ATP2B4: variants seen among roughly 807,000 people sequenced by gnomAD.
ATP2B4 encodes the protein ATPase plasma membrane Ca2+ transporting 4, also known as plasma membrane calcium-transporting ATPase 4.
ATP2B4 carries 39 observed loss-of-function variants against 110.3 expected under a neutral mutation model. The observed-to-expected ratio is 0.35, with a 90% CI of 0.27 to 0.46. ATP2B4 has a LOEUF of 0.46. Among genes scored for constraint, ATP2B4 ranks in the 20% least tolerant of loss-of-function variants. The pLI is 1.00. For synonymous variants in ATP2B4, 538 were observed against 571.7 expected, an observed-to-expected ratio of 0.94 and a Z score of 0.84; for missense variants, 1,135 against 1,530.9, an observed-to-expected ratio of 0.74 and a Z score of 4.32.
intron 1 of ATP2B4, among the ~76,000 whole-genome samples, chr1:203,632,745 G>T (rs1663310565): frequency 1.3e-5 from 2 of 148,512 alleles, no homozygotes; most frequent in Admixed American, 1.3e-4. Context: ...CCTTTACTTT[G>T]TAGACATGTT....
chr1:203,705,509 C>T (rs7533409), intron 8 of ATP2B4, among the ~76,000 whole-genome samples: 38,103 of 152,108 alleles, frequency 0.25, 5,687 homozygotes, highest in East Asian at 0.52. Flanking sequence ...AGTGAGTCTC[C>T]CGAGTAGCTG....
intron 2 of ATP2B4, among the ~76,000 whole-genome samples, chr1:203,686,491 A>AT (rs1275904891): frequency 6.6e-6 from 1 of 152,088 alleles, no homozygotes; most frequent in Non-Finnish European, 1.5e-5. Context: ...ATCAAATGTT[A>AT]TAGACATAGC....
chr1:203,742,518 G>A lies in ATP2B4; in HGVS notation c.*2664G>A, dbSNP rs1230430173. The A allele has an allele frequency of 6.6e-6, 1 of 152,564 alleles. No individual in the cohort carries two copies. Among genetic ancestry groups the A allele is most frequent in the Non-Finnish European group, 1.5e-5 (1 of 68,036 alleles). 9.5% of individuals were successfully genotyped at this position (152,564 alleles called of 1,614,324 possible). On this transcript the variant is annotated 3_prime_UTR_variant, in exon 21 of 21. Coordinates refer to ENST00000357681, the MANE Select transcript of ATP2B4 (RefSeq NM_001684.5). The stretch of plus-strand genomic sequence containing the variant: ...CTTTGGATTTGAAAAGGGTCTGATG[G>A]GGAGAAGGAGAACGTATCATCCTAG...
intron 1 of ATP2B4, among the ~76,000 whole-genome samples, chr1:203,652,376 C>T (rs1309632079): frequency 6.6e-6 from 1 of 152,072 alleles, no homozygotes; most frequent in Non-Finnish European, 1.5e-5. Context: ...GAACTCCTGA[C>T]CTCAAATGAT....
At chr1:203,630,357 C>G (rs1365328643) in intron 1 of ATP2B4, among the ~76,000 whole-genome samples, 1 of 17,292 alleles carries the variant, frequency 5.8e-5, no homozygotes, top group Non-Finnish European at 4.3e-4. Context: ...TTCTCTCTCT[C>G]TCTCTCTCTC....
At chr1:203,644,249 TA>T (rs3066210) in intron 1 of ATP2B4, among the ~76,000 whole-genome samples, 4,108 of 109,952 alleles carry the variant, frequency 0.037, 111 homozygotes, top group African/African-American at 0.1. Flanking sequence ...GACTCCATCT[TA>T]AAAAAAAAAA....
intron 1 of ATP2B4, among the ~76,000 whole-genome samples, chr1:203,645,294 C>T (rs1288871686): frequency 6.6e-6 from 1 of 152,170 alleles, no homozygotes; most frequent in Non-Finnish European, 1.5e-5. Flanking sequence ...CCCCTGTCAT[C>T]CTGCCTGGGC....
At position 203,711,990 on chromosome 1, in the gene ATP2B4, G is replaced by A. The variant is rs1242470410; in HGVS notation, c.2062G>A (p.Ala688Thr). 2 of 1,614,130 alleles carry A rather than the reference G, an allele frequency of 1.2e-6. No individual in the cohort carries two copies. Among genetic ancestry groups the A allele is most frequent in the Admixed American group, 1.7e-5 (1 of 60,016 alleles). ...AGATGCTATTGCCAAATGCAAACAA[G>A]CTGGCATTACTGTCAGAATGGTGAC... is the stretch of plus-strand genomic sequence containing the variant. ...VPDAIAKCKQ[A>T]GITVRMVTGD... Residue 688 changes from alanine to threonine, a missense_variant, in exon 13 of 21, where the codon GCT (alanine) becomes ACT (threonine). Ala to Thr is a moderately conservative substitution (Grantham distance 58). This residue lies in a region of ATP2B4 where 368 missense variants were observed against 455.9 expected (regional missense o/e 0.81). Coordinates refer to ENST00000357681, the MANE Select transcript of ATP2B4 (RefSeq NM_001684.5).
At chr1:203,714,729 G>A (rs79715356) in intron 15 of ATP2B4, among the ~76,000 whole-genome samples, 2,426 of 144,868 alleles carry the variant, frequency 0.017, 73 homozygotes, top group African/African-American at 0.063. Flanking sequence ...AGTAGGTCTG[G>A]GATGAATACC....
At chr1:203,721,662 TTTTTTTTTTTTCTTTTTG>T (rs1190046359) in intron 17 of ATP2B4, among the ~76,000 whole-genome samples, 1 of 136,322 alleles carries the variant, frequency 7.3e-6, no homozygotes, top group African/African-American at 2.9e-5. Context: ...TTCTTTTTTT[TTTTTTTTTTTTCTTTTTG>T]GAGACAGAGT....
intron 1 of ATP2B4, among the ~76,000 whole-genome samples, chr1:203,652,361 G>A (rs569027017): frequency 1.3e-5 from 2 of 152,138 alleles, no homozygotes; most frequent in African/African-American, 4.8e-5. Context: ...GGCCAGGCTA[G>A]TCTTGAACTC....
chr1:203,703,728 CAAG>C lies in ATP2B4; in HGVS notation c.1018_1020del (p.Lys340del). On this transcript the variant is annotated inframe_deletion, in exon 8 of 21. Coordinates refer to ENST00000357681, the MANE Select transcript of ATP2B4 (RefSeq NM_001684.5). ...AGGGAATCGACAATGAGGAAAAGGA[CAAG>C]AAGGCAGTCAAGGTGCCTAAAAAGG... The C allele has an allele frequency of 6.2e-7, 1 of 1,614,104 alleles. No homozygotes were observed. The highest frequency in any genetic ancestry group is 8.5e-7 in the Non-Finnish European group (1 of 1,180,014).
chr1:203,688,332 T>C (rs1233306771), intron 2 of ATP2B4, among the ~76,000 whole-genome samples: 1 of 151,790 alleles, frequency 6.6e-6, no homozygotes, highest in East Asian at 1.9e-4. Context: ...AGGGTCTTGC[T>C]CTGTCACCGA....
At chr1:203,702,679 G>A (rs1032689848) in intron 7 of ATP2B4, among the ~76,000 whole-genome samples, 2 of 152,110 alleles carry the variant, frequency 1.3e-5, no homozygotes, top group Admixed American at 6.6e-5. Flanking sequence ...TTCTGTCTCC[G>A]TCTTCTTGTT....
chr1:203,643,701 C>T (rs1348071401), intron 1 of ATP2B4, among the ~76,000 whole-genome samples: 4 of 152,196 alleles, frequency 2.6e-5, no homozygotes, highest in Admixed American at 6.5e-5. Context: ...TCAGGGATGG[C>T]ATCCAATGAT....
intron 1 of ATP2B4, among the ~76,000 whole-genome samples, chr1:203,634,869 G>A (rs1052874532): frequency 6.6e-6 from 1 of 152,090 alleles, no homozygotes; most frequent in African/African-American, 2.4e-5. Flanking sequence ...TCACCGTGTT[G>A]TCCAGATTGG....
chr1:203,644,749 C>T (rs984230903), intron 1 of ATP2B4, among the ~76,000 whole-genome samples: 11 of 152,062 alleles, frequency 7.2e-5, no homozygotes, highest in African/African-American at 4.8e-5. Flanking sequence ...AGTTGGTGAC[C>T]GGAGTTGAAA....
chr1:203,720,536 C>A lies in ATP2B4; in HGVS notation c.2407-13C>A. The A allele has an allele frequency of 6.3e-7, 1 of 1,589,652 alleles. No individual in the cohort carries two copies. Among genetic ancestry groups the A allele is most frequent in the East Asian group, 2.2e-5 (1 of 44,686 alleles). On this transcript the variant is annotated splice_polypyrimidine_tract_variant and intron_variant, in intron 15 of 20. Coordinates refer to ENST00000357681, the MANE Select transcript of ATP2B4 (RefSeq NM_001684.5). ...TCCACTCCCTCACTGTTTTCCCTCC[C>A]ATCTTACCTCAGGGCATCGCAGGCA...
intron 1 of ATP2B4, among the ~76,000 whole-genome samples, chr1:203,638,909 C>G (rs1372303916): frequency 6.6e-6 from 1 of 152,222 alleles, no homozygotes; most frequent in African/African-American, 2.4e-5. Context: ...AAGTATTTGG[C>G]ACTGCCCGTA....
Sources: allele counts gnomAD v4.1 joint callset (sites outside exome capture counted in the v4.1 genomes callset), GRCh38; gene constraint gnomAD v4.1.1; regional missense constraint gnomAD v4.1.1; transcripts MANE v1.5; gene names NCBI Gene and HGNC (gene_info 2026-07-23, HGNC 2026-07-21).